Variants in LYST observed in about 807,000 individuals in gnomAD.
LYST encodes the protein lysosomal-trafficking regulator.
A neutral mutation model predicts 413.6 loss-of-function variants in LYST; 192 were observed. The ratio of observed to expected loss-of-function variants is 0.46; its 90% CI spans 0.41 to 0.52. The LOEUF is 0.52. LYST is among the 20% of genes least tolerant of loss of function. LYST has a pLI of 0.00. For missense variants in LYST, 3,815 were observed against 4,499.9 expected, an observed-to-expected ratio of 0.85 and a Z score of 4.35; for synonymous variants, 1,525 against 1,567.3, an observed-to-expected ratio of 0.97 and a Z score of 0.64.
chr1:235,877,673 T>C (rs139716957), intron 1 of LYST, among the ~76,000 whole-genome samples: 2,197 of 152,246 alleles, frequency 0.014, 32 homozygotes, highest in Middle Eastern at 0.041. Flanking sequence ...CCCAAAGTGC[T>C]AGGATTACAA....
chr1:235,736,003 T>C (rs1461310470), intron 31 of LYST: 1 of 152,134 alleles, frequency 6.6e-6, no homozygotes, highest in African/African-American at 2.4e-5. Flanking sequence ...AATATTTCAG[T>C]TTGGTATTCA....
chr1:235,742,179 GT>G (rs1665466598), intron 30 of LYST, among the ~76,000 whole-genome samples: 2 of 152,280 alleles, frequency 1.3e-5, no homozygotes, highest in East Asian at 3.9e-4. Flanking sequence ...TTCCGGCCGG[GT>G]GTGGTGGCTC....
chr1:235,705,129 G>A (rs1430160567), intron 44 of LYST, among the ~76,000 whole-genome samples: 1 of 152,086 alleles, frequency 6.6e-6, no homozygotes, highest in Non-Finnish European at 1.5e-5. Context: ...TTTTGGTACA[G>A]AGAGGTCAAG....
Position 235,677,194 on chromosome 1 carries a change from A to C in LYST, c.10941-6T>G. 6.3e-7 allele frequency: 1 copy of C among 1,593,924 alleles called. No individual in the cohort carries two copies. The highest frequency in any genetic ancestry group is 1.3e-5 in the African/African-American group (1 of 74,652). The stretch of plus-strand genomic sequence containing the variant: ...GACTTTGTACATAGCATAACCTGAA[A>C]GAAAAAAGACATGAATTTGTATATG... On this transcript the variant is annotated splice_polypyrimidine_tract_variant and splice_region_variant and intron_variant, in intron 49 of 52. Transcript: ENST00000389793.
intron 1 of LYST, among the ~76,000 whole-genome samples, chr1:235,873,227 A>G (rs953927542): frequency 6.6e-6 from 1 of 152,194 alleles, no homozygotes; most frequent in Non-Finnish European, 1.5e-5. Context: ...ACCAACTAAA[A>G]GTGTTAAAAA....
At chr1:235,822,256 C>T (rs1020500186) in intron 3 of LYST, among the ~76,000 whole-genome samples, 2 of 152,110 alleles carry the variant, frequency 1.3e-5, no homozygotes, top group African/African-American at 4.8e-5. Context: ...ACCAAGAGTC[C>T]TGGAGAAACA....
rs187898207 is a variant in LYST at position 235,877,171 on chromosome 1, C to T, written n.454+6016G>A. Among the ~76,000 whole-genome samples the T allele has an allele frequency of 2.6e-3, 394 of 152,254 alleles. 1 individual carries two copies. Among genetic ancestry groups the T allele is most frequent in the African/African-American group, 8.8e-3 (366 of 41,540 alleles). The stretch of plus-strand genomic sequence containing the variant: ...AGCACTGACATGCTATCCATATAAC[C>T]GAGTGGTTGTACCAGAGAAAAGAGA... On this transcript the variant is annotated intron_variant and non_coding_transcript_variant, in intron 1 of 11. Coordinates refer to the LYST transcript ENST00000465349.
chr1:235,873,780 A>T (rs775516084), intron 1 of LYST, among the ~76,000 whole-genome samples: 3 of 152,238 alleles, frequency 2.0e-5, no homozygotes, highest in Non-Finnish European at 2.9e-5. Flanking sequence ...TTTATTTTGG[A>T]AGAGCAAACT....
At chr1:235,729,801 A>C in intron 36 of LYST, 144 bp from the exon 37 acceptor site, 1 of 659,686 alleles carries the variant, frequency 1.5e-6, no homozygotes, top group African/African-American at 1.8e-5. Flanking sequence ...CGAAACCCAC[A>C]TGAAAATATT....
rs1399204347 is a variant in LYST at position 235,663,018 on chromosome 1, A to T, written c.11328T>A (p.Ile3776=). The T allele has an allele frequency of 6.2e-7, 1 of 1,614,162 alleles. No homozygotes were observed. The change falls in exon 53 of 53, where the codon ATT becomes ATA. Residue 3776 remains isoleucine (I), a synonymous_variant. Coordinates refer to ENST00000389793, the MANE Select transcript of LYST (RefSeq NM_000081.4). ...LYTANSDGTV[I]AWCRKDQQRL... The stretch of plus-strand genomic sequence containing the variant: ...GCTGCTGGTCCTTCCGACACCAGGC[A>T]ATCACGGTCCCATCACTGTTTGCTG...
Position 235,741,564 on chromosome 1 carries a change from G to A in LYST, c.8216C>T (p.Thr2739Ile), listed in dbSNP as rs1443276945. ...TAGTCTCCCAAGCTGCATTCGGAAG[G>A]TCTCCTTACAAGACCACAGAATTTT... ...WTKILWSCKE[T>I]FRMQLGRLLV... Residue 2739 changes from threonine to isoleucine, a missense_variant, in exon 31 of 53, where the codon ACC becomes ATC. Physicochemically the swap from Thr to Ile is moderately conservative, Grantham distance 89. Around this residue, in one of 4 missense-constraint regions of LYST, gnomAD observed 771 missense variants for 837.1 expected, o/e 0.92. Coordinates refer to ENST00000389793, the MANE Select transcript of LYST (RefSeq NM_000081.4). 1.2e-6 allele frequency: 2 copies of A among 1,614,070 alleles called. No individual in the cohort carries two copies. The highest frequency in any genetic ancestry group is 1.7e-6 in the Non-Finnish European group (2 of 1,179,962).
rs774558822 is a variant in LYST at position 235,691,697 on chromosome 1, C to CTTTTTTTTTTTT, written c.10701+1652_10701+1653insAAAAAAAAAAAA. Among the ~76,000 whole-genome samples the CTTTTTTTTTTTT allele has an allele frequency of 2.9e-5, 4 of 138,200 alleles. 1 individual carries two copies. Among genetic ancestry groups the CTTTTTTTTTTTT allele is most frequent in the Non-Finnish European group, 3.1e-5 (2 of 65,064 alleles). 90.7% of individuals were successfully genotyped at this position (138,200 alleles called of 152,430 possible). A position where few individuals can be genotyped will look rare whatever the true frequency, so the allele number is the denominator to read the frequency against. On this transcript the variant is annotated intron_variant, in intron 47 of 52. Coordinates refer to ENST00000389793, the MANE Select transcript of LYST (RefSeq NM_000081.4). The stretch of plus-strand genomic sequence containing the variant: ...GTAAGTACTATAAACATCAGATTCT[C>CTTTTTTTTTTTT]TCTTTTTTTTTTTTTTGAGATGGAG...
rs1433582728 is a variant in LYST, at chr1:235,686,431, G to A, written c.10800+518C>T. 6.6e-6 allele frequency among the ~76,000 whole-genome samples: 1 copy of A among 152,082 alleles called. No individual in the cohort carries two copies. Among genetic ancestry groups the A allele is most frequent in the Non-Finnish European group, 1.5e-5 (1 of 68,018 alleles). On this transcript the variant is annotated intron_variant, in intron 48 of 52. Transcript: ENST00000389793. This position sits in a 1 kb window ranked among gnomAD's most constrained non-coding sequence, Gnocchi z 4.0. Reference sequence around the variant, plus strand: ...AAAACAGTAAATTAAAAGAAGCATTGCATAATCTGTCTTATTTTTTCCCGT... The same window carrying A: ...AAAACAGTAAATTAAAAGAAGCATTACATAATCTGTCTTATTTTTTCCCGT...
intron 50 of LYST, among the ~76,000 whole-genome samples, 200 bp downstream of exon 50, chr1:235,676,891 C>A (rs1339910480): frequency 1.3e-5 from 2 of 152,212 alleles, no homozygotes; most frequent in Non-Finnish European, 2.9e-5. Flanking sequence ...TATGACAATA[C>A]TAACTTCTGC....
intron 2 of LYST, 34 bp from the exon 3 acceptor site, chr1:235,830,458 G>T (rs937035377): frequency 2.7e-6 from 4 of 1,459,788 alleles, no homozygotes; most frequent in South Asian, 1.2e-5. Flanking sequence ...AAAAAGATTA[G>T]GAAAACAAAT....
intron 2 of LYST, among the ~76,000 whole-genome samples, chr1:235,832,986 TTTA>T (rs1288395879): frequency 5.3e-5 from 8 of 152,060 alleles, no homozygotes; most frequent in African/African-American, 1.9e-4. Context: ...TCTGAGCTTT[TTTA>T]TTATTTTGTT....
chr1:235,863,236 C>A (rs560137439), intron 1 of LYST, among the ~76,000 whole-genome samples: 1 of 151,376 alleles, frequency 6.6e-6, no homozygotes, highest in African/African-American at 2.4e-5. Flanking sequence ...GCTAAAAACA[C>A]AAAAAATCAG....
chr1:235,685,866 A>AC (rs1660182730), intron 48 of LYST, among the ~76,000 whole-genome samples: 1 of 148,074 alleles, frequency 6.8e-6, no homozygotes, highest in South Asian at 2.1e-4. Flanking sequence ...AAAAAAAAAA[A>AC]AACAAACAAA....
intron 4 of LYST, among the ~76,000 whole-genome samples, chr1:235,812,612 TTAAAA>T (rs765507530): frequency 1.3e-4 from 20 of 152,152 alleles, no homozygotes; most frequent in Non-Finnish European, 2.6e-4. Context: ...AAAGCAGTCT[TTAAAA>T]TAAGCAAAGA....
Sources: gnomAD v4.1 joint callset for allele counts (sites outside exome capture counted in the v4.1 genomes callset) on GRCh38, gnomAD v4.1.1 for gene constraint, gnomAD v4.1.1 regional missense constraint, Gnocchi (gnomAD v3.1) non-coding constraint, MANE v1.5 for transcripts, NCBI Gene and HGNC (gene_info 2026-07-23, HGNC 2026-07-21) for gene names.